UBR1: variants seen among roughly 807,000 people sequenced by gnomAD.
UBR1 encodes the protein ubiquitin protein ligase E3 component n-recognin 1, also known as E3 ubiquitin-protein ligase UBR1.
A neutral mutation model predicts 242.1 loss-of-function variants in UBR1; 102 were observed. The observed-to-expected ratio is 0.42, with a 90% confidence interval of 0.36 to 0.50. The LOEUF (loss-of-function observed/expected upper bound fraction) is 0.50, where lower values mean the gene tolerates loss of function less well. Among genes scored for constraint, UBR1 ranks in the 20% least tolerant of loss-of-function variants. UBR1 has a pLI of 0.01. For synonymous variants in UBR1, 675 were observed against 684.8 expected, an observed-to-expected ratio of 0.99 and a Z score of 0.22; for missense variants, 1,772 against 2,101.8, an observed-to-expected ratio of 0.84 and a Z score of 3.07.
intron 38 of UBR1, 110 bp downstream of exon 38, chr15:42,977,770 A>T (rs2032312608): frequency 1.0e-6 from 1 of 980,708 alleles, no homozygotes; most frequent in African/African-American, 1.6e-5. Flanking sequence ...CAAACTTTAT[A>T]GATTAAACAC....
rs573856848 is a variant in UBR1, at chr15:43,052,954, A to C, written c.1439+1788T>G. On this transcript the variant is annotated intron_variant, in intron 12 of 46. Transcript: ENST00000290650. ...TTTGTGACTTGAGGCAAATATTTAC[A>C]ATCTACAAAGTAAGATTATATCAAG... is the stretch of plus-strand genomic sequence containing the variant. Among the ~76,000 whole-genome samples, 11 of 152,354 alleles carry C rather than the reference A, an allele frequency of 7.2e-5. No individual in the cohort carries two copies. In the South Asian group the frequency reaches 2.3e-3, roughly 32 times the overall value.
Position 43,038,211 on chromosome 15 carries a change from C to G in UBR1, c.1871G>C (p.Arg624Thr). 6.2e-7 allele frequency: 1 copy of G among 1,614,066 alleles called. No individual in the cohort carries two copies. Among genetic ancestry groups the G allele is most frequent in the Non-Finnish European group, 8.5e-7 (1 of 1,180,002 alleles). Residue 624 changes from arginine to threonine, a missense_variant, in exon 16 of 47, where the codon AGG (arginine) becomes ACG (threonine). Arg to Thr is a moderately conservative substitution (Grantham distance 71, BLOSUM62 -1). Transcript: ENST00000290650. Reference protein sequence around the residue: ...TLAGLHVRLSRLGAVSRLHEF... With the variant: ...TLAGLHVRLSTLGAVSRLHEF... ...ATGCAGTCTTGAAACAGCACCCAGC[C>G]TGCTTAAACGTACATGAAGACCTAA...
intron 12 of UBR1, among the ~76,000 whole-genome samples, chr15:43,049,922 C>T (rs368543963): frequency 1.3e-5 from 2 of 152,148 alleles, no homozygotes; most frequent in South Asian, 2.1e-4. Context: ...ATGTTGGGCT[C>T]TAATTAGACC....
chr15:43,001,275 G>A (rs1269467780), intron 32 of UBR1, among the ~76,000 whole-genome samples: 1 of 151,740 alleles, frequency 6.6e-6, no homozygotes, highest in Non-Finnish European at 1.5e-5. Flanking sequence ...AGCCTCCCAA[G>A]TAGCTGGGAT....
At chr15:43,066,363 A>C (rs1365828643) in intron 6 of UBR1, among the ~76,000 whole-genome samples, 1 of 152,178 alleles carries the variant, frequency 6.6e-6, no homozygotes, top group African/African-American at 2.4e-5. Context: ...TGTTTTGGTT[A>C]CTACAGACTA....
intron 19 of UBR1, among the ~76,000 whole-genome samples, chr15:43,033,142 T>A (rs1019878220): frequency 2.0e-5 from 3 of 152,102 alleles, no homozygotes; most frequent in Non-Finnish European, 4.4e-5. Context: ...TTAAAAACAT[T>A]TTTTGGCCAG....
intron 46 of UBR1, among the ~76,000 whole-genome samples, chr15:42,948,698 C>G (rs1264787439): frequency 1.3e-5 from 2 of 152,150 alleles, no homozygotes; most frequent in African/African-American, 4.8e-5. Flanking sequence ...CCATCACTGG[C>G]CATCAGAGAA....
intron 5 of UBR1, among the ~76,000 whole-genome samples, chr15:43,068,914 T>TA (rs2033788569): frequency 6.6e-6 from 1 of 152,220 alleles, no homozygotes; most frequent in Admixed American, 6.5e-5. Context: ...AACTCTTGCT[T>TA]ATCTCCTATT....
intron 46 of UBR1, among the ~76,000 whole-genome samples, chr15:42,946,194 G>A (rs899883947): frequency 6.6e-6 from 1 of 151,924 alleles, no homozygotes; most frequent in South Asian, 2.1e-4. Flanking sequence ...GTACGATCAC[G>A]GCTCAGGGCA....
intron 12 of UBR1, among the ~76,000 whole-genome samples, chr15:43,053,214 C>T (rs2033576947): frequency 6.6e-6 from 1 of 152,094 alleles, no homozygotes; most frequent in South Asian, 2.1e-4. Context: ...AAACTAGACA[C>T]CTTAAAGTTC....
intron 44 of UBR1, among the ~76,000 whole-genome samples, chr15:42,955,336 T>C (rs1391510866): frequency 1.3e-5 from 2 of 152,218 alleles, no homozygotes; most frequent in Non-Finnish European, 2.9e-5. Flanking sequence ...TATGTGTATT[T>C]ACTGAGATCT....
At chr15:42,963,570 C>A (rs546042592) in intron 42 of UBR1, among the ~76,000 whole-genome samples, 1 of 152,030 alleles carries the variant, frequency 6.6e-6, no homozygotes, top group African/African-American at 2.4e-5. Flanking sequence ...CTGATACATG[C>A]GCTACCATGT....
chr15:43,010,169 C>T (rs1269219911), intron 29 of UBR1, among the ~76,000 whole-genome samples: 1 of 152,112 alleles, frequency 6.6e-6, no homozygotes, highest in African/African-American at 2.4e-5. Flanking sequence ...ACTGCGCCCG[C>T]CCTACTCTGC....
At chr15:43,000,683 T>C (rs1433692856) in intron 32 of UBR1, among the ~76,000 whole-genome samples, 1 of 152,212 alleles carries the variant, frequency 6.6e-6, no homozygotes, top group Non-Finnish European at 1.5e-5. Context: ...TTAAATAAGA[T>C]AATGCAGCAT....
At chr15:43,075,917 A>G (rs896267285) in intron 3 of UBR1, among the ~76,000 whole-genome samples, 2 of 151,160 alleles carry the variant, frequency 1.3e-5, no homozygotes, top group East Asian at 1.9e-4. Context: ...GCCCAACCTG[A>G]TAAGATTTTT....
intron 33 of UBR1, 96 bp from the exon 34 acceptor site, chr15:42,990,216 A>T: frequency 1.1e-6 from 1 of 908,346 alleles, no homozygotes; most frequent in South Asian, 1.5e-5. Flanking sequence ...TGACAGTCTC[A>T]CTCTGTCACC....
intron 22 of UBR1, among the ~76,000 whole-genome samples, chr15:43,026,889 A>G (rs2033185440): frequency 6.6e-6 from 1 of 152,120 alleles, no homozygotes; most frequent in Non-Finnish European, 1.5e-5. Context: ...ATTCAAACAA[A>G]TCTGGAGAAG....
At chr15:43,031,451 T>G (rs2033256267) in intron 20 of UBR1, among the ~76,000 whole-genome samples, 1 of 152,234 alleles carries the variant, frequency 6.6e-6, no homozygotes, top group South Asian at 2.1e-4. Flanking sequence ...TTTTAAAATC[T>G]TTTACACATT....
intron 44 of UBR1, among the ~76,000 whole-genome samples, chr15:42,954,758 A>G (rs1288417075): frequency 6.6e-6 from 1 of 152,070 alleles, no homozygotes; most frequent in Non-Finnish European, 1.5e-5. Flanking sequence ...TAGTAGAGAT[A>G]GCATTTTGCC....
Sources: allele counts gnomAD v4.1 joint callset (sites outside exome capture counted in the v4.1 genomes callset), GRCh38; gene constraint gnomAD v4.1.1; transcripts MANE v1.5; gene names NCBI Gene and HGNC (gene_info 2026-07-23, HGNC 2026-07-21).